Variants in TEAD1 observed in about 807,000 individuals in gnomAD.
The protein encoded by TEAD1 is transcriptional enhancer factor TEF-1.
TEAD1 carries 9 observed loss-of-function variants against 54.9 expected under a neutral mutation model. The observed-to-expected ratio is 0.16, with a 90% confidence interval of 0.10 to 0.29. The LOEUF is 0.29. TEAD1 is among the 10% of genes least tolerant of loss of function. The pLI is 1.00. For synonymous variants in TEAD1, 200 were observed against 187.8 expected, an observed-to-expected ratio of 1.07 and a Z score of -0.53; for missense variants, 387 against 535.9, an observed-to-expected ratio of 0.72 and a Z score of 2.74.
chr11:12,792,178 T>A (rs534415207), intron 3 of TEAD1, among the ~76,000 whole-genome samples: 2 of 152,108 alleles, frequency 1.3e-5, no homozygotes, highest in Non-Finnish European at 2.9e-5. Flanking sequence ...AAGACAAAAA[T>A]GAGTAAGTGT....
At chr11:12,692,937 C>A (rs1446380052) in intron 2 of TEAD1, among the ~76,000 whole-genome samples, 1 of 152,094 alleles carries the variant, frequency 6.6e-6, no homozygotes, top group Non-Finnish European at 1.5e-5. Flanking sequence ...TTTTTGTGTT[C>A]TTTTCCCCCT....
chr11:12,783,098 T>TTGTG (rs34564715), intron 3 of TEAD1, among the ~76,000 whole-genome samples: 12,507 of 139,228 alleles, frequency 0.09, 682 homozygotes, highest in East Asian at 0.26. Context: ...AGGTAAGGGT[T>TTGTG]TGTGTGTGTG....
At chr11:12,690,709 G>T (rs1460551941) in intron 2 of TEAD1, among the ~76,000 whole-genome samples, 2 of 152,182 alleles carry the variant, frequency 1.3e-5, no homozygotes, top group African/African-American at 4.8e-5. Context: ...ATCTCTGCCT[G>T]TATCTATTAT....
At chr11:12,756,721 T>A (rs1944989601) in intron 2 of TEAD1, among the ~76,000 whole-genome samples, 1 of 152,188 alleles carries the variant, frequency 6.6e-6, no homozygotes, top group Non-Finnish European at 1.5e-5. Context: ...TGCATTCTGT[T>A]TGGAAAATGA....
chr11:12,808,224 A>C (rs1011416799), intron 3 of TEAD1, among the ~76,000 whole-genome samples: 3 of 140,544 alleles, frequency 2.1e-5, no homozygotes, highest in African/African-American at 7.4e-5. Flanking sequence ...ACTGGCTTCA[A>C]ATATAGACAG....
At chr11:12,817,398 C>T (rs771003893) in intron 3 of TEAD1, among the ~76,000 whole-genome samples, 1 of 152,150 alleles carries the variant, frequency 6.6e-6, no homozygotes, top group Non-Finnish European at 1.5e-5. Context: ...TGGCATGTAC[C>T]TAATTCCCAA....
intron 3 of TEAD1, among the ~76,000 whole-genome samples, chr11:12,817,270 C>T (rs1165340473): frequency 6.6e-6 from 1 of 152,154 alleles, no homozygotes; most frequent in African/African-American, 2.4e-5. Flanking sequence ...CTTCTAACAC[C>T]TAGAAATTAG....
chr11:12,823,503 C>T (rs1162686808), intron 3 of TEAD1: 2 of 152,216 alleles, frequency 1.3e-5, no homozygotes, highest in Non-Finnish European at 2.9e-5. Context: ...GGTGGGCATG[C>T]TGGGGACCTT....
intron 2 of TEAD1, among the ~76,000 whole-genome samples, chr11:12,728,954 G>T (rs1029229615): frequency 6.6e-6 from 1 of 152,306 alleles, no homozygotes. Context: ...TTGTGAAGAG[G>T]TATCAGCCCT....
intron 12 of TEAD1, among the ~76,000 whole-genome samples, chr11:12,933,962 T>C (rs1256411794): frequency 1.3e-5 from 2 of 152,204 alleles, no homozygotes; most frequent in Non-Finnish European, 2.9e-5. Flanking sequence ...TTCCAACCAT[T>C]GTGGAAGTCA....
chr11:12,916,178 A>G (rs539960554), intron 10 of TEAD1, among the ~76,000 whole-genome samples: 2 of 152,282 alleles, frequency 1.3e-5, no homozygotes, highest in South Asian at 2.1e-4. Flanking sequence ...AAAGAATTCT[A>G]TAACATGTCT....
chr11:12,923,343 G>A (rs757311359), intron 10 of TEAD1, among the ~76,000 whole-genome samples: 4 of 152,072 alleles, frequency 2.6e-5, no homozygotes, highest in Non-Finnish European at 5.9e-5. Flanking sequence ...TCTTTCTTGG[G>A]ATCTGAGTTG....
chr11:12,775,533 C>T (rs533607207), intron 3 of TEAD1, among the ~76,000 whole-genome samples: 7 of 152,196 alleles, frequency 4.6e-5, no homozygotes, highest in Admixed American at 2.0e-4. Flanking sequence ...TATTTTATCC[C>T]GTTCCAGTGA....
At chr11:12,802,483 T>A (rs1946079183) in intron 3 of TEAD1, among the ~76,000 whole-genome samples, 1 of 152,246 alleles carries the variant, frequency 6.6e-6, no homozygotes, top group South Asian at 2.1e-4. Flanking sequence ...CAATTACATG[T>A]TCCCCCCATC....
In TEAD1 at chr11:12,751,470, G is replaced by GC. The variant is rs1430519046; in HGVS notation, c.-54-12709_-54-12708insC. ...ACACAGAGGAGTGGGGAAAGGCCAG[G>GC]TCAGGCTTCCCAGTGGAGGGGCTTG... On this transcript the variant is annotated intron_variant, in intron 2 of 12. Transcript: ENST00000527636. 2.9e-3 allele frequency among the ~76,000 whole-genome samples: 446 copies of GC among 152,250 alleles called. 3 individuals are homozygous for GC. The highest frequency in any genetic ancestry group is 0.01 in the African/African-American group (422 of 41,548).
rs187230686 is a variant in TEAD1, at chr11:12,816,710, G to A, written c.203-45540G>A. Among the ~76,000 whole-genome samples, 26 of 152,256 alleles carry A rather than the reference G, an allele frequency of 1.7e-4. No individual in the cohort carries two copies. The East Asian group carries it at 3.9e-3, about 23-fold the overall frequency. On this transcript the variant is annotated intron_variant, in intron 3 of 12. Transcript: ENST00000527636. ...TGAGAGGGATAATTTACACCCTGTG[G>A]CTATTTATTTAGCACATCTTTTGTG...
intron 3 of TEAD1, among the ~76,000 whole-genome samples, chr11:12,824,882 C>T (rs1292677412): frequency 6.6e-6 from 1 of 152,168 alleles, no homozygotes; most frequent in Non-Finnish European, 1.5e-5. Flanking sequence ...GTTTGCCCTC[C>T]CTTCTGTTTC....
chr11:12,907,730 T>G (rs571112404), intron 10 of TEAD1, among the ~76,000 whole-genome samples: 30 of 152,336 alleles, frequency 2.0e-4, no homozygotes, highest in African/African-American at 6.7e-4. Flanking sequence ...ATACATGTGA[T>G]GAGTCCCACT....
At chr11:12,720,756 CTGA>C (rs1944178192) in intron 2 of TEAD1, among the ~76,000 whole-genome samples, 1 of 152,148 alleles carries the variant, frequency 6.6e-6, no homozygotes, top group Non-Finnish European at 1.5e-5. Context: ...TTTGTTGCTG[CTGA>C]TAATTTGAAG....
Sources: allele counts gnomAD v4.1 joint callset (sites outside exome capture counted in the v4.1 genomes callset), GRCh38; gene constraint gnomAD v4.1.1; transcripts MANE v1.5; gene names NCBI Gene and HGNC (gene_info 2026-07-23, HGNC 2026-07-21).